Variants in GRXCR1 observed in about 807,000 individuals in gnomAD.
GRXCR1 encodes glutaredoxin domain-containing cysteine-rich protein 1.
Under a neutral mutation model 27.3 loss-of-function variants are expected in GRXCR1, and 27 were observed. That is an observed-to-expected ratio of 0.99 (90% CI 0.73 to 1.37). The LOEUF (loss-of-function observed/expected upper bound fraction) is 1.37. Among genes scored for constraint, GRXCR1 ranks in the 40% most tolerant of loss-of-function variants. GRXCR1 has a pLI of 0.00. For synonymous variants in GRXCR1, 122 were observed against 131.1 expected (o/e 0.93, Z 0.47); for missense variants, 379 against 354.4 (o/e 1.07, Z -0.56).
intron 2 of GRXCR1, among the ~76,000 whole-genome samples, chr4:43,001,191 TC>T (rs1322925257): frequency 3.3e-5 from 5 of 152,018 alleles, no homozygotes; most frequent in South Asian, 2.1e-4. Flanking sequence ...TGTCCATTTT[TC>T]CCCCCGGTGT....
rs766324254 is a variant in GRXCR1, at chr4:42,968,802, C to G, written c.627+5668C>G. Among the ~76,000 whole-genome samples, 30 of 151,822 alleles carry G rather than the reference C, an allele frequency of 2.0e-4. 1 individual carries two copies. Among genetic ancestry groups the G allele is most frequent in the Non-Finnish European group, 2.1e-4 (14 of 67,968 alleles). Reference sequence around the variant, plus strand: ...TTTTTTATTTTTTCAGGAATCTCACCCAACTTCCACTTGCATTTTATTGTT... The same window carrying G: ...TTTTTTATTTTTTCAGGAATCTCACGCAACTTCCACTTGCATTTTATTGTT... On this transcript the variant is annotated intron_variant, in intron 2 of 3. Coordinates refer to ENST00000399770, the MANE Select transcript of GRXCR1 (RefSeq NM_001080476.3).
intron 2 of GRXCR1, among the ~76,000 whole-genome samples, chr4:43,011,977 T>C (rs570672444): frequency 6.6e-6 from 1 of 152,342 alleles, no homozygotes; most frequent in African/African-American, 2.4e-5. Flanking sequence ...CCCATTCAAG[T>C]TGGAACTCCC....
At chr4:42,986,377 G>T (rs577595420) in intron 2 of GRXCR1, among the ~76,000 whole-genome samples, 86 of 152,292 alleles carry the variant, frequency 5.6e-4, no homozygotes, top group African/African-American at 2.0e-3. Flanking sequence ...AATTAACAAG[G>T]TTGAGTGGGC....
intron 1 of GRXCR1, 79 bp downstream of exon 1, chr4:42,893,729 C>A (rs1746286845): frequency 2.9e-6 from 4 of 1,395,310 alleles, no homozygotes; most frequent in Non-Finnish European, 4.0e-6. Context: ...CCAGTTAAAG[C>A]AAGCCTCTCT....
At chr4:42,977,943 G>A (rs1443193880) in intron 2 of GRXCR1, among the ~76,000 whole-genome samples, 6 of 151,970 alleles carry the variant, frequency 3.9e-5, no homozygotes, top group Non-Finnish European at 7.4e-5. Flanking sequence ...TGTGTCCTAT[G>A]TTTAGGTCTG....
chr4:42,935,368 A>T (rs1364351256), intron 1 of GRXCR1, among the ~76,000 whole-genome samples: 1 of 151,896 alleles, frequency 6.6e-6, no homozygotes, highest in South Asian at 2.1e-4. Context: ...AAATAATTGG[A>T]TGTTGTGCAC....
At chr4:42,971,464 C>T (rs1748385171) in intron 2 of GRXCR1, among the ~76,000 whole-genome samples, 1 of 152,038 alleles carries the variant, frequency 6.6e-6, no homozygotes, top group Non-Finnish European at 1.5e-5. Flanking sequence ...ACAGGCTTAA[C>T]AGGAAGCATG....
chr4:43,004,564 G>A (rs558686145), intron 2 of GRXCR1, among the ~76,000 whole-genome samples: 1 of 152,238 alleles, frequency 6.6e-6, no homozygotes, highest in Non-Finnish European at 1.5e-5. Context: ...AGTGACAGGG[G>A]TGGAACTGCT....
intron 1 of GRXCR1, among the ~76,000 whole-genome samples, chr4:42,926,494 GT>G (rs201952988): frequency 0.036 from 5,480 of 150,530 alleles, 123 homozygotes; most frequent in African/African-American, 0.067. Flanking sequence ...TGGGAATACT[GT>G]TTTTTTTTTC....
intron 1 of GRXCR1, among the ~76,000 whole-genome samples, chr4:42,932,613 TATATATAGAGAGAGAGAGAGAGAG>T (rs1258204054): frequency 2.5e-5 from 1 of 39,332 alleles, no homozygotes; most frequent in African/African-American, 8.2e-5. Context: ...TATATATATA[TATATATAGAGAGAGAGAGAGAGAG>T]AGAGAGAGAG....
At position 42,936,717 on chromosome 4, in the gene GRXCR1, T is replaced by A. The variant is rs147340012; in HGVS notation, c.385-26175T>A. Among the ~76,000 whole-genome samples, 301 of 151,994 alleles carry A rather than the reference T, an allele frequency of 2.0e-3. 2 individuals are homozygous for A. Among genetic ancestry groups the A allele is most frequent in the Non-Finnish European group, 2.8e-3 (193 of 67,878 alleles). ...CTCAGGCTTTTCTTGGTTTTGGTGA[T>A]CTTGATAGTCGTGGAGAGTGCTGGT... On this transcript the variant is annotated intron_variant, in intron 1 of 3. Coordinates refer to ENST00000399770, the MANE Select transcript of GRXCR1 (RefSeq NM_001080476.3).
chr4:42,981,143 C>T (rs1293842574), intron 2 of GRXCR1, among the ~76,000 whole-genome samples: 7 of 142,442 alleles, frequency 4.9e-5, no homozygotes, highest in Non-Finnish European at 1.1e-4. Context: ...TAATGATTTT[C>T]TGTAGTGGTA....
rs138463261 is a variant in GRXCR1, at chr4:42,943,475, G to A, written c.385-19417G>A. On this transcript the variant is annotated intron_variant, in intron 1 of 3. Coordinates refer to ENST00000399770, the MANE Select transcript of GRXCR1 (RefSeq NM_001080476.3). ...ACTTGCTAACGAATAAGATCCCTGG[G>A]CCCAGTTCTAGAGCTTCTGAATCAG... Among the ~76,000 whole-genome samples, 5 of 152,112 alleles carry A rather than the reference G, an allele frequency of 3.3e-5. No individual in the cohort carries two copies. The East Asian group carries it at 9.7e-4, about 30-fold the overall frequency.
chr4:43,012,199 G>A (rs1179647355), intron 2 of GRXCR1, among the ~76,000 whole-genome samples: 6 of 152,332 alleles, frequency 3.9e-5, no homozygotes, highest in East Asian at 1.9e-4. Flanking sequence ...CTAGCATGCG[G>A]CTCTTTAGCA....
intron 1 of GRXCR1, among the ~76,000 whole-genome samples, chr4:42,935,206 T>C (rs939658151): frequency 6.6e-6 from 1 of 151,908 alleles, no homozygotes; most frequent in Non-Finnish European, 1.5e-5. Flanking sequence ...GAGAGAAAGA[T>C]ACACAGCTGC....
At chr4:42,961,711 T>C (rs1560665964) in intron 1 of GRXCR1, among the ~76,000 whole-genome samples, 1 of 151,954 alleles carries the variant, frequency 6.6e-6, no homozygotes, top group Non-Finnish European at 1.5e-5. Context: ...ATCAGAAAAA[T>C]TCTCTCTCCA....
chr4:42,918,276 C>T (rs776711693), intron 1 of GRXCR1, among the ~76,000 whole-genome samples: 24 of 152,022 alleles, frequency 1.6e-4, no homozygotes, highest in Non-Finnish European at 2.9e-4. Context: ...TGGCATGAAC[C>T]CATTAATGAG....
At chr4:42,995,933 C>T (rs906908336) in intron 2 of GRXCR1, among the ~76,000 whole-genome samples, 8 of 152,200 alleles carry the variant, frequency 5.3e-5, no homozygotes, top group South Asian at 2.1e-4. Flanking sequence ...TGATGTCATG[C>T]GAAAGGCTTT....
In GRXCR1 at chr4:42,896,023, G is replaced by A. The variant is rs904702113; in HGVS notation, c.384+2373G>A. Among the ~76,000 whole-genome samples the A allele has an allele frequency of 3.0e-4, 46 of 152,124 alleles. 1 individual carries two copies. Among genetic ancestry groups the A allele is most frequent in the African/African-American group, 1.0e-3 (43 of 41,446 alleles). On this transcript the variant is annotated intron_variant, in intron 1 of 3. Coordinates refer to ENST00000399770, the MANE Select transcript of GRXCR1 (RefSeq NM_001080476.3). ...TCAATGCACAGCCAATCTTATTGAA[G>A]CAAGGAACTGTGATTGAAGAAACAG... is the stretch of plus-strand genomic sequence containing the variant.
Sources: gnomAD v4.1 joint callset for allele counts (sites outside exome capture counted in the v4.1 genomes callset) on GRCh38, gnomAD v4.1.1 for gene constraint, MANE v1.5 for transcripts, NCBI Gene and HGNC (gene_info 2026-07-23, HGNC 2026-07-21) for gene names.